LEKR1: variants seen among roughly 807,000 people sequenced by gnomAD.
LEKR1 encodes the protein protein LEKR1.
In LEKR1, 59 loss-of-function variants were observed where a neutral mutation model predicts 72.4. The ratio of observed to expected loss-of-function variants is 0.82; its 90% CI spans 0.66 to 1.01. The LOEUF (loss-of-function observed/expected upper bound fraction) is 1.01, where lower values mean the gene tolerates loss of function less well. Ranked by LOEUF, LEKR1 falls within the 50% of genes least tolerant of loss-of-function variation. The probability of loss-of-function intolerance (pLI) is 0.00; values close to 1 mark genes in which losing one functional copy is unlikely to be tolerated. For synonymous variants in LEKR1, 257 were observed against 263.2 expected, an observed-to-expected ratio of 0.98 and a Z score of 0.23; for missense variants, 728 against 759.2, an observed-to-expected ratio of 0.96 and a Z score of 0.48.
At chr3:156,975,327 G>A (rs1729597293) in intron 6 of LEKR1, among the ~76,000 whole-genome samples, 1 of 151,720 alleles carries the variant, frequency 6.6e-6, no homozygotes, top group African/African-American at 2.4e-5. Context: ...TGATCTCTGG[G>A]TGCCAGTTCA....
chr3:156,969,766 A>G (rs1204499378), intron 6 of LEKR1, among the ~76,000 whole-genome samples: 1 of 152,234 alleles, frequency 6.6e-6, no homozygotes, highest in East Asian at 1.9e-4. Flanking sequence ...TCCCTAACTC[A>G]TTTTATGAGG....
intron 3 of LEKR1, among the ~76,000 whole-genome samples, chr3:156,899,701 C>CATATATACACATATATACAT (rs1721783775): frequency 1.9e-5 from 1 of 53,884 alleles, no homozygotes; most frequent in Non-Finnish European, 3.9e-5. Flanking sequence ...CATATATACA[C>CATATATACACATATATACAT]GCATATATAC....
At position 156,920,685 on chromosome 3, in the gene LEKR1, A is replaced by C. The variant is rs1260293035; in HGVS notation, c.374A>C (p.Tyr125Ser). The C allele has an allele frequency of 1.2e-5, 16 of 1,388,278 alleles. No homozygotes were observed. Among genetic ancestry groups the C allele is most frequent in the Non-Finnish European group, 9.7e-7 (1 of 1,026,464 alleles). 86.0% of individuals were successfully genotyped at this position (1,388,278 alleles called of 1,614,324 possible). ...DELKIKYRQS[Y>S]IFSQRLSEYK... ...CTAAAAATTAAATATAGACAATCAT[A>C]CATCTTCAGGTAAGATTAAAGAACT... Residue 125 changes from tyrosine to serine, a missense_variant, in exon 4 of 13, where the codon TAC (tyrosine) becomes TCC (serine). Coordinates refer to ENST00000356539, the MANE Select transcript of LEKR1 (RefSeq NM_001004316.3).
At chr3:156,970,125 A>G (rs1360966962) in intron 6 of LEKR1, among the ~76,000 whole-genome samples, 1 of 152,208 alleles carries the variant, frequency 6.6e-6, no homozygotes, top group East Asian at 1.9e-4. Context: ...CATATCTCAA[A>G]ATAATAAGAG....
chr3:157,018,039 A>C (rs951048241), intron 10 of LEKR1, among the ~76,000 whole-genome samples: 1 of 152,080 alleles, frequency 6.6e-6, no homozygotes, highest in Non-Finnish European at 1.5e-5. Context: ...AGAATACTTA[A>C]TATTTTGCTA....
intron 6 of LEKR1, among the ~76,000 whole-genome samples, chr3:156,954,449 T>G (rs1394333506): frequency 6.6e-6 from 1 of 152,090 alleles, no homozygotes; most frequent in Non-Finnish European, 1.5e-5. Flanking sequence ...ACGTCCTGAA[T>G]GATATTGCCT....
intron 3 of LEKR1, among the ~76,000 whole-genome samples, chr3:156,888,661 AC>A (rs1219903769): frequency 6.6e-6 from 1 of 152,002 alleles, no homozygotes; most frequent in African/African-American, 2.4e-5. Flanking sequence ...TCTTTCTCTA[AC>A]CTTTTGCGTT....
chr3:157,022,836 C>T (rs1369131479), intron 10 of LEKR1, among the ~76,000 whole-genome samples: 1 of 152,124 alleles, frequency 6.6e-6, no homozygotes, highest in Non-Finnish European at 1.5e-5. Context: ...TGTAATGTTG[C>T]TAATAAATCA....
intron 3 of LEKR1, among the ~76,000 whole-genome samples, chr3:156,912,142 A>T (rs531802773): frequency 2.9e-4 from 44 of 152,144 alleles, no homozygotes; most frequent in African/African-American, 8.2e-4. Flanking sequence ...TTTCAAAAAA[A>T]TTTTTTTATT....
At chr3:156,967,955 A>G (rs1321634509) in intron 6 of LEKR1, among the ~76,000 whole-genome samples, 2 of 152,232 alleles carry the variant, frequency 1.3e-5, no homozygotes, top group African/African-American at 2.4e-5. Flanking sequence ...GCCAGAAGAG[A>G]GGCGGGGCCA....
intron 2 of LEKR1, among the ~76,000 whole-genome samples, chr3:156,850,040 A>G (rs1265371884): frequency 1.3e-5 from 2 of 152,154 alleles, no homozygotes; most frequent in African/African-American, 2.4e-5. Context: ...AGAATCTACA[A>G]TGAACTCAGA....
At chr3:156,834,365 T>G (rs906688361) in intron 2 of LEKR1, among the ~76,000 whole-genome samples, 7 of 152,206 alleles carry the variant, frequency 4.6e-5, no homozygotes, top group Admixed American at 4.6e-4. Context: ...TATAAATCTT[T>G]TACAACTTGC....
intron 3 of LEKR1, among the ~76,000 whole-genome samples, chr3:156,874,596 G>C (rs1718345602): frequency 6.6e-6 from 1 of 151,858 alleles, no homozygotes. Context: ...ACATGGAGAA[G>C]TTCTTTAGCG....
At position 157,024,809 on chromosome 3, in the gene LEKR1, A is replaced by C; in HGVS notation, c.1253A>C (p.Glu418Ala). 15 of 1,611,798 alleles carry C rather than the reference A, an allele frequency of 9.3e-6. No homozygotes were observed. Among genetic ancestry groups the C allele is most frequent in the Non-Finnish European group, 1.3e-5 (15 of 1,179,292 alleles). ...KERAQHLVEF[E>A]EQALLFKEET... ...AGGGCCCAACACTTGGTTGAATTTG[A>C]AGAGCAAGCTCTTCTCTTTAAGGAA... The change falls in exon 11 of 13, where the codon GAA becomes GCA. Residue 418 changes from glutamate (E) to alanine (A), a missense_variant. Physicochemically the swap from Glu to Ala is moderately radical, Grantham distance 107. Transcript: ENST00000356539.
intron 12 of LEKR1, among the ~76,000 whole-genome samples, chr3:157,032,068 A>T (rs1055602465): frequency 6.6e-6 from 1 of 151,892 alleles, no homozygotes; most frequent in African/African-American, 2.4e-5. Context: ...GGAGGGAGGG[A>T]GGGAGAGAGA....
chr3:156,856,189 G>A (rs977862377), intron 3 of LEKR1, among the ~76,000 whole-genome samples: 62 of 152,118 alleles, frequency 4.1e-4, no homozygotes, highest in African/African-American at 1.5e-3. Flanking sequence ...TTTCTCAGAT[G>A]TCTGGCTGTT....
chr3:156,986,358 G>C (rs928278627), intron 7 of LEKR1, among the ~76,000 whole-genome samples: 1 of 152,152 alleles, frequency 6.6e-6, no homozygotes, highest in Non-Finnish European at 1.5e-5. Context: ...TTCAAGAATG[G>C]ACTGGAGTAG....
Position 156,979,264 on chromosome 3 carries a change from A to G in LEKR1, c.816A>G (p.Lys272=). ...CGGTGACAGAGATGGACAACTATAA[A>G]GAAATGCTTATGTAAGATGGAGAAT... ...QKAVTEMDNY[K]EMLMNKSNEA... is the part of the protein sequence containing the mutation. The change falls in exon 7 of 13, where the codon AAA becomes AAG. Residue 272 remains lysine, a synonymous_variant. Transcript: ENST00000356539. The G allele has an allele frequency of 7.8e-7, 1 of 1,278,268 alleles. No homozygotes were observed. The highest frequency in any genetic ancestry group is 1.0e-6 in the Non-Finnish European group (1 of 977,406). The allele number at this position is 1,278,268 out of a possible 1,614,324, so 79.2% of individuals were successfully genotyped here. A position where few individuals can be genotyped will look rare whatever the true frequency, so the allele number is the denominator to read the frequency against.
At chr3:156,831,478 A>C (rs1202475715) in intron 2 of LEKR1, among the ~76,000 whole-genome samples, 1 of 152,186 alleles carries the variant, frequency 6.6e-6, no homozygotes, top group African/African-American at 2.4e-5. Context: ...GCCCATACCC[A>C]GAAATTGTGT....
Sources: allele counts gnomAD v4.1 joint callset (sites outside exome capture counted in the v4.1 genomes callset), GRCh38; gene constraint gnomAD v4.1.1; transcripts MANE v1.5; gene names NCBI Gene and HGNC (gene_info 2026-07-23, HGNC 2026-07-21).